DLG2: variants seen among roughly 807,000 people sequenced by gnomAD.
DLG2 encodes disks large homolog 2.
A neutral mutation model predicts 132.5 loss-of-function variants in DLG2; 45 were observed. That is an observed-to-expected ratio of 0.34 (90% CI 0.27 to 0.44). The LOEUF (loss-of-function observed/expected upper bound fraction) is 0.44, where lower values mean the gene tolerates loss of function less well. DLG2 is among the 20% of genes least tolerant of loss of function. DLG2 has a pLI of 1.00. For missense variants in DLG2, 1,045 were observed against 1,196.9 expected (o/e 0.87, Z 1.87); for synonymous variants, 424 against 419.6 (o/e 1.01, Z -0.13).
intron 3 of DLG2, among the ~76,000 whole-genome samples, chr11:85,405,360 G>T (rs1274856718): frequency 6.6e-6 from 1 of 151,962 alleles, no homozygotes; most frequent in African/African-American, 2.4e-5. Flanking sequence ...ATAAGATTTT[G>T]TCTTCTGTGA....
intron 11 of DLG2, among the ~76,000 whole-genome samples, chr11:84,012,485 A>G (rs932508492): frequency 1.3e-5 from 2 of 152,284 alleles, no homozygotes; most frequent in Admixed American, 1.3e-4. Flanking sequence ...TGGCATTTAT[A>G]TATTGCATGT....
intron 6 of DLG2, among the ~76,000 whole-genome samples, chr11:84,925,744 T>C (rs915274403): frequency 1.3e-5 from 2 of 152,156 alleles, no homozygotes; most frequent in African/African-American, 4.8e-5. Flanking sequence ...ATCACTTCCA[T>C]GCCAGATTCC....
chr11:83,794,939 G>A (rs1271623500), intron 17 of DLG2, among the ~76,000 whole-genome samples: 5 of 152,056 alleles, frequency 3.3e-5, no homozygotes, highest in East Asian at 1.9e-4. Flanking sequence ...CAGATGATTG[G>A]GTGTGTTTTG....
chr11:84,935,517 T>C (rs1248377147), intron 6 of DLG2, among the ~76,000 whole-genome samples: 1 of 152,108 alleles, frequency 6.6e-6, no homozygotes, highest in African/African-American at 2.4e-5. Context: ...TATGCCCTCT[T>C]CAACACAGGA....
chr11:84,904,960 G>C (rs2091339939), intron 6 of DLG2, among the ~76,000 whole-genome samples: 1 of 152,186 alleles, frequency 6.6e-6, no homozygotes. Context: ...GTCTCGCTCT[G>C]TCGCCCAGGC....
intron 6 of DLG2, among the ~76,000 whole-genome samples, chr11:84,936,066 A>C (rs2048709151): frequency 6.6e-6 from 1 of 152,226 alleles, no homozygotes; most frequent in East Asian, 1.9e-4. Flanking sequence ...TATCCTTATC[A>C]TCTGGCTAGA....
intron 4 of DLG2, among the ~76,000 whole-genome samples, chr11:85,255,128 C>A (rs2076603659): frequency 6.6e-6 from 1 of 152,054 alleles, no homozygotes; most frequent in Admixed American, 6.6e-5. Context: ...AAGTCATCCA[C>A]TCTAATCATT....
chr11:85,403,582 G>C (rs567150736), intron 3 of DLG2, among the ~76,000 whole-genome samples: 1 of 152,078 alleles, frequency 6.6e-6, no homozygotes, highest in East Asian at 1.9e-4. Context: ...GAAAAGCCTG[G>C]CTTTGGGAGA....
At chr11:84,652,134 G>C (rs1321195574) in intron 6 of DLG2, among the ~76,000 whole-genome samples, 1 of 152,116 alleles carries the variant, frequency 6.6e-6, no homozygotes, top group African/African-American at 2.4e-5. Flanking sequence ...AATACATGAA[G>C]AATGTTCTGT....
At chr11:85,511,027 G>C (rs1369272385) in intron 3 of DLG2, among the ~76,000 whole-genome samples, 1 of 151,904 alleles carries the variant, frequency 6.6e-6, no homozygotes, top group Non-Finnish European at 1.5e-5. Flanking sequence ...ATACACCATG[G>C]AATACTATGC....
chr11:84,194,413 T>C (rs569637621), intron 8 of DLG2, among the ~76,000 whole-genome samples: 3 of 152,040 alleles, frequency 2.0e-5, no homozygotes, highest in African/African-American at 7.2e-5. Flanking sequence ...TCATGGTGAG[T>C]GTTACAGATC....
intron 6 of DLG2, among the ~76,000 whole-genome samples, chr11:84,671,530 G>A (rs2099705902): frequency 6.6e-6 from 1 of 152,088 alleles, no homozygotes; most frequent in Admixed American, 6.6e-5. Flanking sequence ...CTTCTGCTCT[G>A]GGAACCTGCT....
chr11:84,742,083 A>G (rs929026200), intron 6 of DLG2, among the ~76,000 whole-genome samples: 2 of 152,106 alleles, frequency 1.3e-5, no homozygotes, highest in Admixed American at 6.6e-5. Flanking sequence ...CATTTTCTCA[A>G]CTTGAAGATA....
At chr11:84,977,438 G>A (rs2055057262) in intron 6 of DLG2, among the ~76,000 whole-genome samples, 2 of 152,054 alleles carry the variant, frequency 1.3e-5, no homozygotes, top group Admixed American at 1.3e-4. Context: ...CTACCTGTAG[G>A]CTCTTGTTGT....
intron 6 of DLG2, among the ~76,000 whole-genome samples, chr11:84,801,599 G>A (rs1356438192): frequency 2.0e-5 from 3 of 152,092 alleles, no homozygotes; most frequent in Non-Finnish European, 4.4e-5. Flanking sequence ...TGCTTTTGTC[G>A]CTGGAATTAC....
chr11:85,389,769 T>C (rs2086643187), intron 3 of DLG2, among the ~76,000 whole-genome samples: 2 of 152,214 alleles, frequency 1.3e-5, no homozygotes, highest in African/African-American at 2.4e-5. Context: ...CTAAGCTTCA[T>C]AAATGAAGGA....
intron 6 of DLG2, among the ~76,000 whole-genome samples, chr11:84,760,228 TAATA>T (rs2067426934): frequency 6.6e-6 from 1 of 152,212 alleles, no homozygotes; most frequent in African/African-American, 2.4e-5. Flanking sequence ...AATTCTCTAG[TAATA>T]AATCTCTTAG....
intron 6 of DLG2, among the ~76,000 whole-genome samples, chr11:84,852,497 G>T (rs115283449): frequency 0.025 from 3,791 of 152,062 alleles, 184 homozygotes; most frequent in African/African-American, 0.088. Context: ...GAATGTCACC[G>T]GCATGGGTGT....
intron 3 of DLG2, among the ~76,000 whole-genome samples, chr11:85,367,377 G>A (rs1430502142): frequency 6.6e-6 from 1 of 152,116 alleles, no homozygotes; most frequent in East Asian, 1.9e-4. Flanking sequence ...TCAGTAAAAT[G>A]GGAATAATGA....
Sources: allele counts gnomAD v4.1 joint callset (sites outside exome capture counted in the v4.1 genomes callset), GRCh38; gene constraint gnomAD v4.1.1; transcripts MANE v1.5; gene names NCBI Gene and HGNC (gene_info 2026-07-23, HGNC 2026-07-21).